Variants in MMS22L observed in about 807,000 individuals in gnomAD.
MMS22L encodes protein MMS22-like.
MMS22L carries 74 observed loss-of-function variants against 159.1 expected under a neutral mutation model. That is an observed-to-expected ratio of 0.47 (90% CI 0.39 to 0.56). MMS22L has a LOEUF of 0.56. MMS22L is among the 20% of genes least tolerant of loss of function. MMS22L has a pLI of 0.00. For synonymous variants in MMS22L, 517 were observed against 506.9 expected (o/e 1.02, Z -0.27); for missense variants, 1,351 against 1,422.1 (o/e 0.95, Z 0.80).
chr6:97,222,768 T>C (rs1809788596), intron 14 of MMS22L, among the ~76,000 whole-genome samples: 1 of 152,044 alleles, frequency 6.6e-6, no homozygotes, highest in African/African-American at 2.4e-5. Context: ...CAGAGCTAAT[T>C]TTCATAGCTG....
chr6:97,161,205 G>C lies in MMS22L; in HGVS notation c.3385+797C>G, dbSNP rs112679156. 7.3e-3 allele frequency among the ~76,000 whole-genome samples: 1,108 copies of C among 152,034 alleles called. 12 individuals are homozygous for C. Among genetic ancestry groups the C allele is most frequent in the African/African-American group, 0.025 (1,053 of 41,492 alleles). The stretch of plus-strand genomic sequence containing the variant: ...CTCCTCTTGCCCTCTCACTGCCTTA[G>C]ATATTGCTTCTGAGGTGATGTAACC... On this transcript the variant is annotated intron_variant, in intron 22 of 24. Transcript: ENST00000683635.
In MMS22L at chr6:97,145,747, G is replaced by A. The variant is rs867188740; in HGVS notation, c.*1059C>T. ...AAGAAACTAGACTGAGAAAGGTTAC[G>A]TAACTAGCTCAAGATCATAAAGCAA... is the stretch of plus-strand genomic sequence containing the variant. On this transcript the variant is annotated 3_prime_UTR_variant, in exon 25 of 25. Transcript: ENST00000683635. The A allele has an allele frequency of 3.9e-5, 6 of 152,066 alleles. No individual in the cohort carries two copies. The highest frequency in any genetic ancestry group is 1.4e-4 in the African/African-American group (6 of 41,406). The allele number at this position is 152,066 out of a possible 1,614,324, so 9.4% of individuals were successfully genotyped here.
At position 97,205,238 on chromosome 6, in the gene MMS22L, C is replaced by T. The variant is rs141308334; in HGVS notation, c.2040-18548G>A. On this transcript the variant is annotated intron_variant, in intron 14 of 24. Coordinates refer to ENST00000683635, the MANE Select transcript of MMS22L (RefSeq NM_001350599.2). The stretch of plus-strand genomic sequence containing the variant: ...GATTACAGGCATGAGCCACCATACT[C>T]GGCCACGTATTTTTTTTTTTAAGAG... Among the ~76,000 whole-genome samples the T allele has an allele frequency of 7.9e-5, 12 of 151,808 alleles. No individual in the cohort carries two copies. In the East Asian group the frequency reaches 1.7e-3, roughly 22 times the overall value.
At chr6:97,202,506 ATTACC>A (rs759618836) in intron 14 of MMS22L, among the ~76,000 whole-genome samples, 73 of 152,296 alleles carry the variant, frequency 4.8e-4, no homozygotes, top group Non-Finnish European at 7.5e-4. Context: ...TTCCTGAGCT[ATTACC>A]TTAGCGTTGA....
intron 10 of MMS22L, among the ~76,000 whole-genome samples, chr6:97,249,723 C>T (rs903217368): frequency 1.7e-5 from 2 of 120,898 alleles, no homozygotes; most frequent in East Asian, 2.1e-4. Flanking sequence ...TACCAATAAC[C>T]AATTTTTTTT....
chr6:97,272,998 A>G lies in MMS22L; in HGVS notation c.405T>C (p.His135=), dbSNP rs1815903411. The change falls in exon 5 of 25, where the codon CAT becomes CAC. Residue 135 remains histidine (H), a synonymous_variant. Transcript: ENST00000683635. ...ACCTGAAGATGAAAACTTTAACATAATGGAGAAATAGTACACACTGCTGCC... is the reference window on the plus strand; with the variant it reads ...ACCTGAAGATGAAAACTTTAACATAGTGGAGAAATAGTACACACTGCTGCC... The part of the protein sequence containing the change: ...NIRQQCVLFL[H]YVKVFIFRYL... 1.9e-6 allele frequency: 3 copies of G among 1,612,772 alleles called. No individual in the cohort carries two copies. Among genetic ancestry groups the G allele is most frequent in the Non-Finnish European group, 1.7e-6 (2 of 1,179,736 alleles).
chr6:97,199,963 T>A (rs1481684809), intron 14 of MMS22L, among the ~76,000 whole-genome samples: 4 of 152,050 alleles, frequency 2.6e-5, no homozygotes, highest in Non-Finnish European at 5.9e-5. Context: ...TTTCTACCAC[T>A]TTATAAACAC....
At chr6:97,270,539 C>T (rs1280195968) in intron 6 of MMS22L, 1 of 272,438 alleles carries the variant, frequency 3.7e-6, no homozygotes, top group Non-Finnish European at 7.3e-6. Flanking sequence ...CCAGCACTTT[C>T]AAGTATTGTG....
At chr6:97,264,996 C>A (rs1814935116) in intron 8 of MMS22L, 2 of 152,036 alleles carry the variant, frequency 1.3e-5, no homozygotes, top group Non-Finnish European at 2.9e-5. Flanking sequence ...TCAATGAAAT[C>A]CCTACCAAAA....
At chr6:97,247,576 G>A (rs928081697) in intron 10 of MMS22L, among the ~76,000 whole-genome samples, 6 of 152,012 alleles carry the variant, frequency 3.9e-5, no homozygotes, top group South Asian at 2.1e-4. Context: ...AAAATTAGCC[G>A]GGCATGGTGG....
In MMS22L at chr6:97,186,586, C is replaced by T. The variant is rs778647811; in HGVS notation, c.2144G>A (p.Ser715Asn). 1.2e-6 allele frequency: 2 copies of T among 1,612,550 alleles called. No homozygotes were observed. The highest frequency in any genetic ancestry group is 1.3e-5 in the African/African-American group (1 of 74,862). ...TGAAAAGAAATGTCTCCACAGTGCA[C>T]TGGCAACTGCAGCAAGGTGGCGCTC... ...AKERHLAAVA[S>N]ALWRHFFSFL... Residue 715 changes from serine to asparagine, a missense_variant, in exon 15 of 25, where the codon AGT becomes AAT. Physicochemically the swap from Ser to Asn is conservative, Grantham distance 46. Coordinates refer to ENST00000683635, the MANE Select transcript of MMS22L (RefSeq NM_001350599.2).
At chr6:97,171,175 A>G (rs1803507706) in intron 19 of MMS22L, among the ~76,000 whole-genome samples, 1 of 152,230 alleles carries the variant, frequency 6.6e-6, no homozygotes, top group Admixed American at 6.6e-5. Context: ...CTGATACATA[A>G]TAATTGTTCT....
At chr6:97,160,946 T>C (rs187283205) in intron 22 of MMS22L, among the ~76,000 whole-genome samples, 1 of 152,180 alleles carries the variant, frequency 6.6e-6, no homozygotes, top group Admixed American at 6.6e-5. Context: ...TAAAATTTCT[T>C]TCCCTATTGC....
chr6:97,214,637 A>T (rs1808768823), intron 14 of MMS22L, among the ~76,000 whole-genome samples: 1 of 151,710 alleles, frequency 6.6e-6, no homozygotes, highest in Non-Finnish European at 1.5e-5. Flanking sequence ...CTGTAGGAGT[A>T]AAATGAAACA....
At chr6:97,182,123 G>A in intron 15 of MMS22L, 69 bp from the exon 16 acceptor site, 1 of 1,278,790 alleles carries the variant, frequency 7.8e-7, no homozygotes, top group South Asian at 1.6e-5. Flanking sequence ...ACACACCCCT[G>A]GCCAATTATA....
chr6:97,180,696 T>C (rs1322122917), intron 16 of MMS22L, among the ~76,000 whole-genome samples: 1 of 152,158 alleles, frequency 6.6e-6, no homozygotes, highest in Non-Finnish European at 1.5e-5. Context: ...TAAGTAGAAA[T>C]TATTTCAAAT....
chr6:97,153,254 A>G (rs1801499800), intron 22 of MMS22L, among the ~76,000 whole-genome samples: 1 of 152,008 alleles, frequency 6.6e-6, no homozygotes, highest in Admixed American at 6.6e-5. Flanking sequence ...TTGTACAACC[A>G]TCATCACAAT....
At chr6:97,198,553 G>C (rs1054457468) in intron 14 of MMS22L, among the ~76,000 whole-genome samples, 14 of 152,098 alleles carry the variant, frequency 9.2e-5, no homozygotes, top group Admixed American at 4.6e-4. Flanking sequence ...GCACTATGTA[G>C]GAATTAGAGA....
intron 4 of MMS22L, among the ~76,000 whole-genome samples, chr6:97,276,631 C>CT (rs1463635828): frequency 6.6e-6 from 1 of 152,192 alleles, no homozygotes; most frequent in African/African-American, 2.4e-5. Context: ...GCTCTCTAAA[C>CT]TTTTATGTTT....
Sources: gnomAD v4.1 joint callset for allele counts (sites outside exome capture counted in the v4.1 genomes callset) on GRCh38, gnomAD v4.1.1 for gene constraint, MANE v1.5 for transcripts, NCBI Gene and HGNC (gene_info 2026-07-23, HGNC 2026-07-21) for gene names.